Variants in UBR1 observed in about 807,000 individuals in gnomAD.
UBR1 encodes the protein ubiquitin protein ligase E3 component n-recognin 1, also known as E3 ubiquitin-protein ligase UBR1.
A neutral mutation model predicts 242.1 loss-of-function variants in UBR1; 102 were observed. The ratio of observed to expected loss-of-function variants is 0.42; its 90% CI spans 0.36 to 0.50. The LOEUF is 0.50. Ranked by LOEUF, UBR1 falls within the 20% of genes least tolerant of loss-of-function variation. The pLI is 0.01. For missense variants in UBR1, 1,772 were observed against 2,101.8 expected (o/e 0.84, Z 3.07); for synonymous variants, 675 against 684.8 (o/e 0.99, Z 0.22).
At chr15:42,956,288 CTGT>C (rs2031919204) in intron 44 of UBR1, among the ~76,000 whole-genome samples, 1 of 152,188 alleles carries the variant, frequency 6.6e-6, no homozygotes, top group African/African-American at 2.4e-5. Flanking sequence ...AATGAAACAA[CTGT>C]TGAGCCAGCA....
Position 42,966,168 on chromosome 15 carries a change from C to T in UBR1, c.4576G>A (p.Glu1526Lys), listed in dbSNP as rs547399909. ...FHYLLGVTPP[E>K]ELHTNSAEGE... ...TTCTACTTACTGGTATGCAGTTCCT[C>T]AGGCGGAGTTACCCCAAGTAAATAG... The change falls in exon 41 of 47, where the codon GAG (glutamate) becomes AAG (lysine). Residue 1526 changes from glutamate (E) to lysine (K), a missense_variant. Glu to Lys is a moderately conservative substitution (Grantham distance 56). Around this residue, in one of 3 missense-constraint regions of UBR1, gnomAD observed 965 missense variants for 1,079.7 expected, o/e 0.89. Coordinates refer to ENST00000290650, the MANE Select transcript of UBR1 (RefSeq NM_174916.3). 3 of 1,614,114 alleles carry T rather than the reference C, an allele frequency of 1.9e-6. No individual in the cohort carries two copies. The Admixed American group carries it at 5.0e-5, about 27-fold the overall frequency.
At chr15:42,946,252 G>A (rs931317873) in intron 46 of UBR1, among the ~76,000 whole-genome samples, 1 of 152,138 alleles carries the variant, frequency 6.6e-6, no homozygotes. Context: ...AGCCTCCAGA[G>A]TAGCTGGGAT....
At chr15:43,096,511 C>G (rs2034163878) in intron 1 of UBR1, among the ~76,000 whole-genome samples, 1 of 152,158 alleles carries the variant, frequency 6.6e-6, no homozygotes, top group South Asian at 2.1e-4. Flanking sequence ...CATTGATTGA[C>G]CTTTTCACAA....
intron 40 of UBR1, among the ~76,000 whole-genome samples, chr15:42,968,637 C>T (rs578212435): frequency 1.3e-5 from 2 of 152,244 alleles, no homozygotes; most frequent in East Asian, 3.9e-4. Context: ...CCGTCATCTA[C>T]ATTAGGTATT....
intron 27 of UBR1, among the ~76,000 whole-genome samples, chr15:43,017,741 T>A (rs2033049093): frequency 6.7e-6 from 1 of 148,762 alleles, no homozygotes; most frequent in African/African-American, 2.5e-5. Context: ...ACCTGGGAAG[T>A]GAAGGTTGCA....
chr15:42,972,544 T>A (rs1276977873), intron 39 of UBR1, among the ~76,000 whole-genome samples: 1 of 152,012 alleles, frequency 6.6e-6, no homozygotes, highest in Non-Finnish European at 1.5e-5. Context: ...AATTTTTGTA[T>A]TTATTTAGTG....
chr15:42,950,407 G>T (rs760356602), intron 45 of UBR1, 44 bp from the exon 46 acceptor site: 1 of 1,527,988 alleles, frequency 6.5e-7, no homozygotes, highest in Admixed American at 1.7e-5. Flanking sequence ...GTGTATGTGT[G>T]CAAATGATAG....
At chr15:43,010,498 A>G (rs2032907034) in intron 29 of UBR1, among the ~76,000 whole-genome samples, 1 of 152,236 alleles carries the variant, frequency 6.6e-6, no homozygotes. Flanking sequence ...ATGACACGCT[A>G]TAATTTCTGT....
At chr15:43,014,648 G>A (rs1353397409) in intron 29 of UBR1, among the ~76,000 whole-genome samples, 18 of 150,306 alleles carry the variant, frequency 1.2e-4, no homozygotes, top group Admixed American at 4.6e-4. Flanking sequence ...CCTGGCAGCC[G>A]CCCCTTCTAA....
intron 19 of UBR1, among the ~76,000 whole-genome samples, chr15:43,034,097 C>T (rs893160732): frequency 2.6e-5 from 4 of 152,028 alleles, no homozygotes; most frequent in African/African-American, 9.7e-5. Context: ...ATTACCTGGG[C>T]ATGGTGGTGC....
At chr15:43,077,677 TA>T (rs1402474974) in intron 3 of UBR1, among the ~76,000 whole-genome samples, 22 of 131,584 alleles carry the variant, frequency 1.7e-4, no homozygotes, top group African/African-American at 6.4e-4. Context: ...AAAAAAAAAA[TA>T]AAAATAAAAA....
At chr15:43,006,970 A>G in intron 30 of UBR1, 109 bp downstream of exon 30, 1 of 979,460 alleles carries the variant, frequency 1.0e-6, no homozygotes, top group South Asian at 1.4e-5. Context: ...TGATAATGGT[A>G]TGGTAGATAT....
At chr15:42,982,972 A>T (rs1304659974) in intron 37 of UBR1, among the ~76,000 whole-genome samples, 1 of 152,198 alleles carries the variant, frequency 6.6e-6, no homozygotes, top group Non-Finnish European at 1.5e-5. Context: ...ATGGAAATGC[A>T]GATAACCAAA....
chr15:43,007,058 T>C (rs2032841853), intron 30 of UBR1, 21 bp downstream of exon 30: 1 of 1,611,338 alleles, frequency 6.2e-7, no homozygotes, highest in Admixed American at 1.7e-5. Flanking sequence ...CACAAAAGGA[T>C]ATTTATTAAA....
At chr15:42,981,518 C>A (rs556630775) in intron 37 of UBR1, among the ~76,000 whole-genome samples, 6 of 152,072 alleles carry the variant, frequency 3.9e-5, no homozygotes, top group East Asian at 1.9e-4. Context: ...GAGATGGAAT[C>A]TCGCTCTGTC....
intron 33 of UBR1, among the ~76,000 whole-genome samples, chr15:42,993,887 AT>A (rs1454513430): frequency 2.0e-5 from 3 of 151,446 alleles, no homozygotes; most frequent in African/African-American, 7.3e-5. Context: ...TCTTTAACCT[AT>A]TTATTTAAGA....
At position 42,944,665 on chromosome 15, in the gene UBR1, G is replaced by C. The variant is rs546362729; in HGVS notation, c.*664C>G. On this transcript the variant is annotated 3_prime_UTR_variant, in exon 47 of 47. Coordinates refer to ENST00000290650, the MANE Select transcript of UBR1 (RefSeq NM_174916.3). ...AACTGCAAGCTCTTTGTACCGTCAG[G>C]AATGAATAACAAATACATTACCCTA... 6.5e-6 allele frequency: 1 copy of C among 153,046 alleles called. No individual in the cohort carries two copies. Among genetic ancestry groups the C allele is most frequent in the South Asian group, 2.1e-4 (1 of 4,854 alleles). The allele number at this position is 153,046 out of a possible 1,614,324, so 9.5% of individuals were successfully genotyped here.
intron 29 of UBR1, among the ~76,000 whole-genome samples, chr15:43,009,422 A>T (rs2032884082): frequency 6.6e-6 from 1 of 152,212 alleles, no homozygotes; most frequent in East Asian, 1.9e-4. Context: ...GTGCCCGCTT[A>T]TGCACCCCTG....
intron 46 of UBR1, among the ~76,000 whole-genome samples, chr15:42,947,925 A>G (rs2031764799): frequency 6.6e-6 from 1 of 152,102 alleles, no homozygotes; most frequent in Admixed American, 6.5e-5. Context: ...ACAGAATTGG[A>G]AAAAACTACT....
Sources: gnomAD v4.1 joint callset for allele counts (sites outside exome capture counted in the v4.1 genomes callset) on GRCh38, gnomAD v4.1.1 for gene constraint, gnomAD v4.1.1 regional missense constraint, MANE v1.5 for transcripts, NCBI Gene and HGNC (gene_info 2026-07-23, HGNC 2026-07-21) for gene names.